Variants in ENAH observed in about 807,000 individuals in gnomAD.
ENAH encodes protein enabled homolog.
In ENAH, 23 loss-of-function variants were observed where a neutral mutation model predicts 78.7. The observed-to-expected ratio is 0.29, with a 90% CI of 0.21 to 0.41. The LOEUF is 0.41. Ranked by LOEUF, ENAH falls within the 10% of genes least tolerant of loss-of-function variation. The pLI is 1.00. For missense variants in ENAH, 544 were observed against 691.0 expected (o/e 0.79, Z 2.39); for synonymous variants, 226 against 241.0 (o/e 0.94, Z 0.58).
intron 2 of ENAH, among the ~76,000 whole-genome samples, chr1:225,559,886 T>C (rs2096691130): frequency 6.6e-6 from 1 of 151,972 alleles, no homozygotes; most frequent in Admixed American, 6.6e-5. Context: ...ACAACAAACT[T>C]CTCCACCATC....
At chr1:225,498,978 G>A (rs933000423) in intron 12 of ENAH, among the ~76,000 whole-genome samples, 30 of 152,124 alleles carry the variant, frequency 2.0e-4, no homozygotes, top group South Asian at 1.0e-3. Context: ...AATACGGCAG[G>A]CACGAATCAT....
At chr1:225,576,305 A>T (rs80183666) in intron 1 of ENAH, among the ~76,000 whole-genome samples, 6,293 of 151,520 alleles carry the variant, frequency 0.042, 195 homozygotes, top group South Asian at 0.11. Context: ...CAAAAAACAA[A>T]AAGAATCAGC....
At chr1:225,651,068 T>TA (rs1036277996) in intron 1 of ENAH, among the ~76,000 whole-genome samples, 30 of 150,706 alleles carry the variant, frequency 2.0e-4, no homozygotes, top group South Asian at 1.7e-3. Flanking sequence ...TAACTTGATT[T>TA]AAAAAAAAAG....
At chr1:225,530,718 A>G (rs2096533643) in intron 3 of ENAH, 80 bp from the exon 4 acceptor site, 5 of 1,096,616 alleles carry the variant, frequency 4.6e-6, no homozygotes, top group East Asian at 2.4e-5. Context: ...TGAGAATAAC[A>G]TAAAACCATC....
intron 1 of ENAH, among the ~76,000 whole-genome samples, chr1:225,636,796 A>G (rs1370524745): frequency 6.6e-6 from 1 of 152,230 alleles, no homozygotes; most frequent in Non-Finnish European, 1.5e-5. Flanking sequence ...CATGATATAA[A>G]GTGTTCAGAG....
intron 1 of ENAH, among the ~76,000 whole-genome samples, chr1:225,631,120 G>C (rs1319481024): frequency 2.6e-5 from 4 of 152,154 alleles, no homozygotes; most frequent in Admixed American, 6.5e-5. Flanking sequence ...ATGAGCATGT[G>C]GTGAAAAGGG....
chr1:225,564,329 G>A (rs2096724027), intron 2 of ENAH, among the ~76,000 whole-genome samples: 1 of 151,568 alleles, frequency 6.6e-6, no homozygotes, highest in Non-Finnish European at 1.5e-5. Context: ...CGCTCTTGTT[G>A]CCCAGGCTGG....
At chr1:225,632,805 A>G (rs963825488) in intron 1 of ENAH, among the ~76,000 whole-genome samples, 1 of 152,264 alleles carries the variant, frequency 6.6e-6, no homozygotes, top group African/African-American at 2.4e-5. Flanking sequence ...ACTGGAAGTC[A>G]TTAATCCAGT....
At position 225,487,951 on chromosome 1, in the gene ENAH, A is replaced by T. The variant is rs1334033683; in HGVS notation, c.*9824T>A. ...TCAACTTGGTAGGCCTGAAAAAAAAAAGTATTTAACCTTCTAAATCTCATA... is the reference window on the plus strand; with the variant it reads ...TCAACTTGGTAGGCCTGAAAAAAAATAGTATTTAACCTTCTAAATCTCATA... On this transcript the variant is annotated 3_prime_UTR_variant, in exon 14 of 14. Transcript: ENST00000366843. The T allele has an allele frequency of 6.6e-6, 1 of 152,160 alleles. No individual in the cohort carries two copies. Among genetic ancestry groups the T allele is most frequent in the Non-Finnish European group, 1.5e-5 (1 of 68,022 alleles). 9.4% of individuals were successfully genotyped at this position (152,160 alleles called of 1,614,324 possible).
chr1:225,563,398 A>T (rs1243214434), intron 2 of ENAH, among the ~76,000 whole-genome samples: 1 of 152,218 alleles, frequency 6.6e-6, no homozygotes. Context: ...GACACTGTAC[A>T]ATCCTGTAAG....
At chr1:225,540,708 A>C (rs1427522981) in intron 3 of ENAH, among the ~76,000 whole-genome samples, 1 of 152,022 alleles carries the variant, frequency 6.6e-6, no homozygotes, top group Non-Finnish European at 1.5e-5. Flanking sequence ...AAAAAAAAAA[A>C]AAAACTAAAG....
intron 3 of ENAH, among the ~76,000 whole-genome samples, chr1:225,532,161 C>T (rs973574139): frequency 3.3e-5 from 5 of 151,964 alleles, no homozygotes; most frequent in Non-Finnish European, 7.4e-5. Context: ...GATGTAAAAA[C>T]AGACTCTCCT....
At position 225,491,905 on chromosome 1, in the gene ENAH, C is replaced by G. The variant is rs186137392; in HGVS notation, c.*5870G>C. ...ATGCTTTTAGAATTGTCATCTACTG[C>G]TGAAGAAATCTTTCTTGGAATTGAA... On this transcript the variant is annotated 3_prime_UTR_variant, in exon 14 of 14. Transcript: ENST00000366843. The G allele has an allele frequency of 7.2e-5, 11 of 152,218 alleles. No homozygotes were observed. Among genetic ancestry groups the G allele is most frequent in the Admixed American group, 6.5e-4 (10 of 15,298 alleles). 9.4% of individuals were successfully genotyped at this position (152,218 alleles called of 1,614,324 possible).
At chr1:225,530,734 T>C in intron 3 of ENAH, 96 bp from the exon 4 acceptor site, 1 of 939,888 alleles carries the variant, frequency 1.1e-6, no homozygotes, top group East Asian at 2.4e-5. Context: ...CCATCACATA[T>C]TTACAAACGT....
chr1:225,628,553 T>G (rs1658364307), intron 1 of ENAH, among the ~76,000 whole-genome samples: 1 of 151,862 alleles, frequency 6.6e-6, no homozygotes, highest in Non-Finnish European at 1.5e-5. Context: ...AGGCAAAAAA[T>G]GTATCAAGTA....
intron 1 of ENAH, among the ~76,000 whole-genome samples, chr1:225,591,206 T>C (rs2096873830): frequency 6.6e-6 from 1 of 152,206 alleles, no homozygotes. Flanking sequence ...CGGTGGCTCA[T>C]GCCTGTAATC....
At chr1:225,644,286 A>C (rs1661570951) in intron 1 of ENAH, among the ~76,000 whole-genome samples, 1 of 152,234 alleles carries the variant, frequency 6.6e-6, no homozygotes, top group African/African-American at 2.4e-5. Flanking sequence ...ACATATGGAC[A>C]ACAGTAATTG....
chr1:225,583,298 T>A (rs762179157), intron 1 of ENAH, among the ~76,000 whole-genome samples: 1 of 151,744 alleles, frequency 6.6e-6, no homozygotes, highest in Non-Finnish European at 1.5e-5. Context: ...TAGCCAGGCA[T>A]GATGGCGGGT....
chr1:225,632,019 A>G (rs1659177514), intron 1 of ENAH, among the ~76,000 whole-genome samples: 3 of 152,222 alleles, frequency 2.0e-5, no homozygotes, highest in Non-Finnish European at 4.4e-5. Context: ...AACAATTCAC[A>G]AAACATTTTT....
Sources: gnomAD v4.1 joint callset for allele counts (sites outside exome capture counted in the v4.1 genomes callset) on GRCh38, gnomAD v4.1.1 for gene constraint, MANE v1.5 for transcripts, NCBI Gene and HGNC (gene_info 2026-07-23, HGNC 2026-07-21) for gene names.